Variants in ACSS3 observed in about 807,000 individuals in gnomAD.
ACSS3 encodes the protein acyl-CoA synthetase short-chain family member 3, mitochondrial.
Under a neutral mutation model 84.2 loss-of-function variants are expected in ACSS3, and 64 were observed. The observed-to-expected ratio is 0.76, with a 90% CI of 0.62 to 0.94. The LOEUF is 0.94. Ranked by LOEUF, ACSS3 falls within the 40% of genes least tolerant of loss-of-function variation. The pLI, the probability that ACSS3 is intolerant of heterozygous loss-of-function variation, is 0.00. For missense variants in ACSS3, 815 were observed against 867.6 expected, an observed-to-expected ratio of 0.94 and a Z score of 0.76; for synonymous variants, 317 against 310.1, an observed-to-expected ratio of 1.02 and a Z score of -0.23.
intron 7 of ACSS3, among the ~76,000 whole-genome samples, chr12:81,161,305 C>T (rs1440069116): frequency 1.3e-5 from 2 of 152,100 alleles, no homozygotes; most frequent in Non-Finnish European, 2.9e-5. Context: ...GAAGAATGAG[C>T]AGAAGATATA....
At chr12:81,203,057 G>C (rs1365304409) in intron 9 of ACSS3, among the ~76,000 whole-genome samples, 1 of 152,126 alleles carries the variant, frequency 6.6e-6, no homozygotes, top group Non-Finnish European at 1.5e-5. Flanking sequence ...AAGTCCAAAG[G>C]CCTCAGAATG....
chr12:81,107,503 AATAT>A (rs1307138595), intron 1 of ACSS3, among the ~76,000 whole-genome samples: 1 of 59,566 alleles, frequency 1.7e-5, no homozygotes, highest in Non-Finnish European at 3.3e-5. Context: ...TTCAGGTACA[AATAT>A]ATACATATAT....
rs1420570703 is a variant in ACSS3, at chr12:81,260,228, T to G, written c.*5306T>G. On this transcript the variant is annotated 3_prime_UTR_variant, in exon 16 of 16. Transcript: ENST00000548058. The stretch of plus-strand genomic sequence containing the variant: ...CTGGATTATTTTAATATCAAAAGTG[T>G]TGTTGTTTCACCCAAACAAAAAATG... 2 of 152,118 alleles carry G rather than the reference T, an allele frequency of 1.3e-5. No individual in the cohort carries two copies. The highest frequency in any genetic ancestry group is 4.8e-5 in the African/African-American group (2 of 41,426). The allele number at this position is 152,118 out of a possible 1,614,324, so 9.4% of individuals were successfully genotyped here.
intron 9 of ACSS3, among the ~76,000 whole-genome samples, chr12:81,216,196 A>T (rs1020738541): frequency 1.3e-5 from 2 of 149,646 alleles, no homozygotes; most frequent in Non-Finnish European, 3.0e-5. Context: ...TTTTATTTTT[A>T]TTATTATTAT....
At chr12:81,091,756 A>G (rs1383314480) in intron 1 of ACSS3, among the ~76,000 whole-genome samples, 1 of 152,104 alleles carries the variant, frequency 6.6e-6, no homozygotes, top group Admixed American at 6.6e-5. Flanking sequence ...ATTCTAAAAG[A>G]TGATTTTACT....
At chr12:81,162,783 G>A (rs12308998) in intron 7 of ACSS3, among the ~76,000 whole-genome samples, 2,842 of 152,182 alleles carry the variant, frequency 0.019, 89 homozygotes, top group African/African-American at 0.064. Context: ...TCCTGTGCTC[G>A]TTGACACCCA....
At chr12:81,133,079 A>G (rs1292178147) in intron 2 of ACSS3, among the ~76,000 whole-genome samples, 1 of 151,226 alleles carries the variant, frequency 6.6e-6, no homozygotes, top group Non-Finnish European at 1.5e-5. Context: ...TCAATTATAG[A>G]GTTTGCAATA....
At chr12:81,140,577 A>G (rs1249870271) in intron 4 of ACSS3, among the ~76,000 whole-genome samples, 1 of 152,196 alleles carries the variant, frequency 6.6e-6, no homozygotes, top group Non-Finnish European at 1.5e-5. Flanking sequence ...TCCTGTGTAA[A>G]GTTTTAGTAG....
chr12:81,206,169 T>C (rs191051522), intron 9 of ACSS3, among the ~76,000 whole-genome samples: 82 of 152,268 alleles, frequency 5.4e-4, no homozygotes, highest in African/African-American at 1.9e-3. Flanking sequence ...TACTTGTTAT[T>C]CTCTGCTTCT....
intron 2 of ACSS3, among the ~76,000 whole-genome samples, chr12:81,120,610 T>C (rs1714188883): frequency 6.6e-6 from 1 of 152,180 alleles, no homozygotes; most frequent in Non-Finnish European, 1.5e-5. Context: ...ATTTTTCATA[T>C]AAGGTTTTCT....
chr12:81,112,002 A>G (rs1418320851), intron 2 of ACSS3, among the ~76,000 whole-genome samples: 2 of 152,208 alleles, frequency 1.3e-5, no homozygotes, highest in Non-Finnish European at 2.9e-5. Flanking sequence ...GATTAAGTAT[A>G]CAGAGACAGC....
At chr12:81,089,647 C>A (rs1221152103) in intron 1 of ACSS3, among the ~76,000 whole-genome samples, 2 of 151,932 alleles carry the variant, frequency 1.3e-5, no homozygotes, top group Non-Finnish European at 2.9e-5. Context: ...TATTCTCTAG[C>A]TTGTTACTGA....
chr12:81,098,539 T>G (rs1882255078), intron 1 of ACSS3, among the ~76,000 whole-genome samples: 1 of 152,228 alleles, frequency 6.6e-6, no homozygotes, highest in South Asian at 2.1e-4. Context: ...TGATGTTAAA[T>G]GAAGACCTAC....
chr12:81,109,410 C>A (rs1296779317), intron 1 of ACSS3, 150 bp from the exon 2 acceptor site: 1 of 768,964 alleles, frequency 1.3e-6, no homozygotes, highest in Non-Finnish European at 2.0e-6. Flanking sequence ...TCTTAAATAT[C>A]TAGTTTACAG....
intron 8 of ACSS3, among the ~76,000 whole-genome samples, chr12:81,195,308 G>C (rs1405629464): frequency 2.0e-5 from 3 of 151,746 alleles, no homozygotes; most frequent in Non-Finnish European, 4.4e-5. Context: ...TCAACATTAT[G>C]GCCTTTATAT....
chr12:81,183,768 C>G (rs1342205664), intron 8 of ACSS3, among the ~76,000 whole-genome samples: 2 of 151,974 alleles, frequency 1.3e-5, no homozygotes, highest in Non-Finnish European at 2.9e-5. Context: ...TATTTATACA[C>G]CCAGTATTGG....
chr12:81,204,291 TC>T lies in ACSS3; in HGVS notation c.1354+4849del, dbSNP rs1593193233. On this transcript the variant is annotated intron_variant, in intron 9 of 15. Coordinates refer to ENST00000548058, the MANE Select transcript of ACSS3 (RefSeq NM_024560.4). ...TTCTATTCTTCCTTCCTCCTCTTCT[TC>T]CTTCCTCCTCTTCTTCCTTCCTCCT... is the stretch of plus-strand genomic sequence containing the variant. 3.3e-5 allele frequency among the ~76,000 whole-genome samples: 5 copies of T among 150,920 alleles called. No individual in the cohort carries two copies. In the East Asian group the frequency reaches 9.8e-4, roughly 30 times the overall value.
At chr12:81,093,402 G>A (rs561635433) in intron 1 of ACSS3, among the ~76,000 whole-genome samples, 140 of 151,378 alleles carry the variant, frequency 9.2e-4, no homozygotes, top group African/African-American at 3.2e-3. Flanking sequence ...GCAGTGAGCC[G>A]AGACTGCACC....
rs140446158 is a variant in ACSS3, at chr12:81,199,003, C to T, written c.1251-338C>T. On this transcript the variant is annotated intron_variant, in intron 8 of 15. Coordinates refer to ENST00000548058, the MANE Select transcript of ACSS3 (RefSeq NM_024560.4). ...CAATCAAATTTGGAGCTAAAATTAG[C>T]GGAGACAATGTCAAGGTGAAATATA... Among the ~76,000 whole-genome samples the T allele has an allele frequency of 5.5e-3, 838 of 152,156 alleles. 9 individuals carry two copies. Among genetic ancestry groups the T allele is most frequent in the African/African-American group, 0.016 (663 of 41,528 alleles).
Sources: gnomAD v4.1 joint callset for allele counts (sites outside exome capture counted in the v4.1 genomes callset) on GRCh38, gnomAD v4.1.1 for gene constraint, MANE v1.5 for transcripts, NCBI Gene and HGNC (gene_info 2026-07-23, HGNC 2026-07-21) for gene names.